Variants in KLF7 observed in about 807,000 individuals in gnomAD.
KLF7 encodes Krueppel-like factor 7.
Under a neutral mutation model 27.3 loss-of-function variants are expected in KLF7, and 2 were observed. The ratio of observed to expected loss-of-function variants is 0.07; its 90% CI spans 0.03 to 0.23. KLF7 has a LOEUF of 0.23. Ranked by LOEUF, KLF7 falls within the 10% of genes least tolerant of loss-of-function variation. The pLI is 1.00. For missense variants in KLF7, 221 were observed against 394.1 expected (o/e 0.56, Z 3.72); for synonymous variants, 165 against 162.4 (o/e 1.02, Z -0.12).
At chr2:207,109,112 A>G (rs1054298227) in intron 2 of KLF7, among the ~76,000 whole-genome samples, 13 of 152,266 alleles carry the variant, frequency 8.5e-5, no homozygotes, top group African/African-American at 2.9e-4. Flanking sequence ...ATGCAAATGC[A>G]GTAGTACTGA....
upstream of KLF7, among the ~76,000 whole-genome samples, chr2:207,169,904 C>A (rs1433302814): frequency 6.6e-6 from 1 of 152,008 alleles, no homozygotes; most frequent in African/African-American, 2.4e-5. Flanking sequence ...TCTCCTCAGG[C>A]CTCCCTATTC....
In KLF7 at chr2:207,095,809, A is replaced by G. The variant is rs527324711; in HGVS notation, c.734-7228T>C. ...AATTAGTATTAAAAAAGAATGTAAA[A>G]TATTTCTCACTAATAACTGTTTAAA... On this transcript the variant is annotated intron_variant, in intron 2 of 3. Transcript: ENST00000309446. Among the ~76,000 whole-genome samples, 17 of 152,322 alleles carry G rather than the reference A, an allele frequency of 1.1e-4. No homozygotes were observed. The East Asian group carries it at 1.3e-3, about 12-fold the overall frequency.
chr2:207,104,262 C>T (rs998638461), intron 2 of KLF7, among the ~76,000 whole-genome samples: 4 of 152,142 alleles, frequency 2.6e-5, no homozygotes, highest in Admixed American at 6.5e-5. Context: ...TATGAATATA[C>T]GAGTGGCAGA....
At chr2:207,149,731 C>T (rs913256638) in intron 1 of KLF7, among the ~76,000 whole-genome samples, 3 of 152,172 alleles carry the variant, frequency 2.0e-5, no homozygotes, top group Non-Finnish European at 4.4e-5. Context: ...AGGGGCTTGG[C>T]CAACACAGTC....
At chr2:207,147,781 CT>C (rs1195318453) in intron 1 of KLF7, among the ~76,000 whole-genome samples, 11 of 152,196 alleles carry the variant, frequency 7.2e-5, no homozygotes, top group African/African-American at 1.4e-4. Flanking sequence ...GGCGAAGCTC[CT>C]GTGTAACACG....
intron 1 of KLF7, among the ~76,000 whole-genome samples, chr2:207,155,411 C>G (rs2078355796): frequency 6.6e-6 from 1 of 152,146 alleles, no homozygotes; most frequent in Non-Finnish European, 1.5e-5. Context: ...TTCCTGTGCC[C>G]CATTTTCTCA....
upstream of KLF7, among the ~76,000 whole-genome samples, chr2:207,170,235 G>A (rs1045074929): frequency 1.3e-5 from 2 of 152,176 alleles, no homozygotes; most frequent in African/African-American, 4.8e-5. Context: ...GATCAAACCA[G>A]CAACAACATT....
intron 2 of KLF7, among the ~76,000 whole-genome samples, chr2:207,096,171 C>CT (rs2076624013): frequency 6.6e-6 from 1 of 152,190 alleles, no homozygotes; most frequent in Non-Finnish European, 1.5e-5. Flanking sequence ...TTATTTTTAA[C>CT]TGTGAGAAAG....
chr2:207,167,801 C>T (rs1329986713), upstream of KLF7, among the ~76,000 whole-genome samples: 1 of 152,178 alleles, frequency 6.6e-6, no homozygotes, highest in Non-Finnish European at 1.5e-5. Context: ...TAGTGGGATC[C>T]GCGTTGTCTA....
chr2:207,141,223 T>G (rs1339254150), intron 1 of KLF7, among the ~76,000 whole-genome samples: 6 of 152,188 alleles, frequency 3.9e-5, no homozygotes, highest in African/African-American at 7.2e-5. Flanking sequence ...CTCTGATCCC[T>G]CTGCTTATAG....
intron 1 of KLF7, among the ~76,000 whole-genome samples, chr2:207,161,646 C>CTGT (rs2078549451): frequency 6.6e-6 from 1 of 152,208 alleles, no homozygotes; most frequent in African/African-American, 2.4e-5. Context: ...TACCATGAGG[C>CTGT]TGTTCTTGGA....
chr2:207,171,370 A>G (rs1285086952), upstream of KLF7, among the ~76,000 whole-genome samples: 1 of 152,040 alleles, frequency 6.6e-6, no homozygotes, highest in Non-Finnish European at 1.5e-5. Context: ...TTGAAATAAC[A>G]AACTACTTAG....
Position 207,165,730 on chromosome 2 carries a change from A to G in KLF7, c.-162T>C. On this transcript the variant is annotated 5_prime_UTR_variant, in exon 1 of 4. Coordinates refer to ENST00000309446, the MANE Select transcript of KLF7 (RefSeq NM_003709.4). ...AACTAAAAAGGAAAAAAAAAAATCA[A>G]TGCAGGAGAGGGAGAGAGGAGGTGA... is the stretch of plus-strand genomic sequence containing the variant. 1.4e-6 allele frequency: 2 copies of G among 1,453,866 alleles called. No individual in the cohort carries two copies. Among genetic ancestry groups the G allele is most frequent in the East Asian group, 2.5e-5 (1 of 40,416 alleles). 90.1% of individuals were successfully genotyped at this position (1,453,866 alleles called of 1,614,324 possible). A position where few individuals can be genotyped will look rare whatever the true frequency, so the allele number is the denominator to read the frequency against.
At chr2:207,168,625 G>T (rs9630998), upstream of KLF7, among the ~76,000 whole-genome samples, 37,063 of 152,126 alleles carry the variant, frequency 0.24, 5,238 homozygotes, top group Middle Eastern at 0.32. Flanking sequence ...CTTTTCCTAT[G>T]TAACTATCAG....
chr2:207,142,597 C>T (rs1471508471), intron 1 of KLF7, among the ~76,000 whole-genome samples: 28 of 152,198 alleles, frequency 1.8e-4, no homozygotes, highest in Admixed American at 1.8e-3. Context: ...CTCACTCTCC[C>T]TGCAGAGGTC....
chr2:207,106,178 T>A (rs2076879046), intron 2 of KLF7, among the ~76,000 whole-genome samples: 1 of 152,222 alleles, frequency 6.6e-6, no homozygotes, highest in Non-Finnish European at 1.5e-5. Flanking sequence ...CAAGAATTTG[T>A]ACTTTAAGAA....
intron 1 of KLF7, among the ~76,000 whole-genome samples, chr2:207,129,357 C>T (rs998481142): frequency 1.3e-5 from 2 of 152,162 alleles, no homozygotes; most frequent in African/African-American, 4.8e-5. Flanking sequence ...CAACTTAAGG[C>T]TTGAGCCACT....
chr2:207,117,442 C>T (rs951871611), intron 2 of KLF7, among the ~76,000 whole-genome samples: 1 of 152,202 alleles, frequency 6.6e-6, no homozygotes, highest in Non-Finnish European at 1.5e-5. Context: ...GCTCTCTCCA[C>T]CTTGTGAACT....
intron 2 of KLF7, among the ~76,000 whole-genome samples, chr2:207,096,682 G>A (rs144240136): frequency 2.0e-5 from 3 of 152,236 alleles, no homozygotes; most frequent in East Asian, 1.9e-4. Flanking sequence ...TTAATAGAAC[G>A]TTTGGAGCCT....
Sources: allele counts gnomAD v4.1 joint callset (sites outside exome capture counted in the v4.1 genomes callset), GRCh38; gene constraint gnomAD v4.1.1; transcripts MANE v1.5; gene names NCBI Gene and HGNC (gene_info 2026-07-23, HGNC 2026-07-21).